The following TEDC2 variants were observed in gnomAD, a reference collection of about 807,000 sequenced individuals.
The protein encoded by TEDC2 is tubulin epsilon and delta complex 2.
Under a neutral mutation model 48.1 loss-of-function variants are expected in TEDC2, and 49 were observed. The ratio of observed to expected loss-of-function variants is 1.02; its 90% confidence interval spans 0.81 to 1.29. The LOEUF is 1.29. Ranked by LOEUF, TEDC2 falls within the 50% of genes most tolerant of loss-of-function variation. The pLI, the probability that TEDC2 is intolerant of heterozygous loss-of-function variation, is 0.00. For synonymous variants in TEDC2, 299 were observed against 247.1 expected (o/e 1.21, Z -1.97); for missense variants, 631 against 571.4 (o/e 1.10, Z -1.06).
At chr16:2,460,745 G>T (rs773414236) in intron 3 of TEDC2, 52 bp downstream of exon 3, 1 of 1,612,260 alleles carries the variant, frequency 6.2e-7, no homozygotes, top group Non-Finnish European at 8.5e-7. Flanking sequence ...CTGTCTGCTG[G>T]CGTGCAGTTG....
chr16:2,464,536 ACTC>A lies in TEDC2; in HGVS notation c.1175_1177del (p.Leu392del). ...CCTGCCCCCAGGTCCTGATGGCTGA[ACTC>A]CTCCCCCTGGTAAGCGCTGCACAGC... On this transcript the variant is annotated inframe_deletion, in exon 10 of 10. Transcript: ENST00000361837. 2 of 1,572,370 alleles carry A rather than the reference ACTC, an allele frequency of 1.3e-6. No homozygotes were observed. Among genetic ancestry groups the A allele is most frequent in the South Asian group, 1.2e-5 (1 of 86,500 alleles).
rs2141836918 is a variant in TEDC2 at position 2,460,183 on chromosome 16, C to G, written c.26+13C>G. On this transcript the variant is annotated intron_variant, in intron 1 of 9. Coordinates refer to ENST00000361837, the MANE Select transcript of TEDC2 (RefSeq NM_025108.3). ...GCTGCTCGCGCCGGTGAGGCCTGCG[C>G]GGCAGGAGGGGGTGGGAGGATGCGG... The G allele has an allele frequency of 1.7e-6, 2 of 1,177,246 alleles. No homozygotes were observed. Among genetic ancestry groups the G allele is most frequent in the African/African-American group, 1.7e-5 (1 of 58,932 alleles). The allele number at this position is 1,177,246 out of a possible 1,614,324, so 72.9% of individuals were successfully genotyped here. A position where few individuals can be genotyped will look rare whatever the true frequency, so the allele number is the denominator to read the frequency against.
intron 8 of TEDC2, among the ~76,000 whole-genome samples, 170 bp downstream of exon 8, chr16:2,462,902 A>G (rs2065475873): frequency 6.6e-6 from 1 of 152,050 alleles, no homozygotes; most frequent in Non-Finnish European, 1.5e-5. Context: ...CTGGGTCCTC[A>G]CCAGTCGTCC....
intron 4 of TEDC2, chr16:2,461,539 G>A: frequency 1.5e-6 from 1 of 655,922 alleles, no homozygotes; most frequent in Non-Finnish European, 2.6e-6. Flanking sequence ...CGCTCACAGG[G>A]CCCCCTCTTC....
In TEDC2 at chr16:2,461,310, C is replaced by T. The variant is rs185271747; in HGVS notation, c.605+86C>T. Reference sequence around the variant, plus strand: ...GCAAGGAGCCTGGGATTTGGGGTGACAGGGAAGGCAGGGCATCGAGCCCTG... The same window carrying T: ...GCAAGGAGCCTGGGATTTGGGGTGATAGGGAAGGCAGGGCATCGAGCCCTG... On this transcript the variant is annotated intron_variant, in intron 4 of 9. Coordinates refer to ENST00000361837, the MANE Select transcript of TEDC2 (RefSeq NM_025108.3). 3.6e-6 allele frequency: 5 copies of T among 1,395,894 alleles called. No individual in the cohort carries two copies. The Admixed American group carries it at 9.2e-5, about 26-fold the overall frequency. 86.5% of individuals were successfully genotyped at this position (1,395,894 alleles called of 1,614,324 possible). A position where few individuals can be genotyped will look rare whatever the true frequency, so the allele number is the denominator to read the frequency against.
chr16:2,461,453 G>T, intron 4 of TEDC2: 2 of 670,616 alleles, frequency 3.0e-6, no homozygotes, highest in Non-Finnish European at 4.8e-6. Flanking sequence ...TCTCTTCTCT[G>T]TGGCTGTCCC....
rs1463574899 is a variant in TEDC2 at position 2,460,883 on chromosome 16, A to G, written c.264A>G (p.Val88=). ...TGACCCAGGCACTGGAGAAGGCTGT[A>G]CGAGTTCGAAGAGGCATCACTAAGG... ...EFLTQALEKA[V]RVRRGITKAG... Residue 88 remains valine, a synonymous_variant, in exon 4 of 10, where the codon GTA becomes GTG. Transcript: ENST00000361837. 7 of 1,613,450 alleles carry G rather than the reference A, an allele frequency of 4.3e-6. No homozygotes were observed. The highest frequency in any genetic ancestry group is 1.3e-5 in the African/African-American group (1 of 74,938).
At chr16:2,460,424 C>T in intron 2 of TEDC2, 43 bp downstream of exon 2, 4 of 1,539,544 alleles carry the variant, frequency 2.6e-6, no homozygotes, top group Non-Finnish European at 3.5e-6. Context: ...CCCTCGGGCC[C>T]TCAGAGTCCC....
intron 4 of TEDC2, 35 bp downstream of exon 4, chr16:2,461,259 G>C: frequency 6.9e-7 from 1 of 1,440,536 alleles, no homozygotes; most frequent in Non-Finnish European, 9.1e-7. Context: ...AGGGACTTCT[G>C]TCTCTGCCTC....
chr16:2,463,947 G>A (rs1394533963), intron 8 of TEDC2, 92 bp from the exon 9 acceptor site: 2 of 1,357,026 alleles, frequency 1.5e-6, no homozygotes, highest in South Asian at 1.4e-5. Context: ...GGCAGGGCAG[G>A]TGGTGCAGAT....
At chr16:2,462,301 A>G (rs898206056) in intron 6 of TEDC2, 62 bp downstream of exon 6, 30 of 1,605,552 alleles carry the variant, frequency 1.9e-5, no homozygotes, top group Admixed American at 1.0e-4. Flanking sequence ...GCAGGTTTGC[A>G]GAGCAGCCCC....
chr16:2,464,705 G>C lies in TEDC2; in HGVS notation c.*37G>C, dbSNP rs768436511. ...GCTGCCCTCGGCCTGTTCAGATGGG[G>C]ATTGGGGGTGTCTTCCCTGGCACTG... On this transcript the variant is annotated 3_prime_UTR_variant, in exon 10 of 10. Transcript: ENST00000361837. The C allele has an allele frequency of 2.5e-6, 4 of 1,610,820 alleles. No homozygotes were observed. The South Asian group carries it at 4.4e-5, about 18-fold the overall frequency.
chr16:2,462,535 G>T lies in TEDC2; in HGVS notation c.862+9G>T, dbSNP rs201836164. ...GGAGGAGCTCTCGGCAGGTCAGTGG[G>T]TCCTGGGTCTGTATCAGGAGGAGTG... is the stretch of plus-strand genomic sequence containing the variant. On this transcript the variant is annotated intron_variant, in intron 7 of 9. Transcript: ENST00000361837. 1.8e-5 allele frequency: 28 copies of T among 1,590,586 alleles called. No individual in the cohort carries two copies. In the Admixed American group the frequency reaches 4.7e-4, roughly 27 times the overall value.
At chr16:2,464,307 C>T (rs2065486509) in intron 9 of TEDC2, 78 bp downstream of exon 9, 2 of 1,515,982 alleles carry the variant, frequency 1.3e-6, no homozygotes, top group East Asian at 2.4e-5. Context: ...TTGACTGCTC[C>T]ACCCCCCAGG....
chr16:2,464,363 G>C lies in TEDC2; in HGVS notation c.1155+134G>C, dbSNP rs112773540. 15 of 1,348,238 alleles carry C rather than the reference G, an allele frequency of 1.1e-5. No homozygotes were observed. In the African/African-American group the frequency reaches 1.2e-4, roughly 10 times the overall value. The allele number at this position is 1,348,238 out of a possible 1,614,324, so 83.5% of individuals were successfully genotyped here. A position where few individuals can be genotyped will look rare whatever the true frequency, so the allele number is the denominator to read the frequency against. On this transcript the variant is annotated intron_variant, in intron 9 of 9. Coordinates refer to ENST00000361837, the MANE Select transcript of TEDC2 (RefSeq NM_025108.3). Reference sequence around the variant, plus strand: ...GCCTGGGGTCTGTGTGTGTGGGTTGGGAAGTGCATGGGTCAGACGGGGCTG... The same window carrying C: ...GCCTGGGGTCTGTGTGTGTGGGTTGCGAAGTGCATGGGTCAGACGGGGCTG...
Position 2,464,098 on chromosome 16 carries a change from T to C in TEDC2, c.1024T>C (p.Ser342Pro), listed in dbSNP as rs772167368. The part of the protein sequence containing the change: ...PVGRPPGASP[S>P]CGGRAEPAWS... ...GGGGAGGCCCCCCGGAGCCTCGCCG[T>C]CCTGTGGGGGTAGAGCGGAGCCTGC... The change falls in exon 9 of 10, where the codon TCC (serine) becomes CCC (proline). Residue 342 changes from serine (S) to proline (P), a missense_variant. By Grantham distance (74) the Ser-to-Pro change is moderately conservative. Coordinates refer to ENST00000361837, the MANE Select transcript of TEDC2 (RefSeq NM_025108.3). 3.1e-6 allele frequency: 5 copies of C among 1,612,512 alleles called. No homozygotes were observed. The highest frequency in any genetic ancestry group is 4.2e-6 in the Non-Finnish European group (5 of 1,179,952).
intron 2 of TEDC2, 75 bp downstream of exon 2, chr16:2,460,456 G>A: frequency 6.6e-7 from 1 of 1,514,988 alleles, no homozygotes; most frequent in Admixed American, 2.2e-5. Flanking sequence ...CCAGGGCTGG[G>A]AGACCGGGCG....
In TEDC2 at chr16:2,463,610, G is replaced by A. The variant is rs1485763768; in HGVS notation, c.965-429G>A. Among the ~76,000 whole-genome samples, 3 of 150,614 alleles carry A rather than the reference G, an allele frequency of 2.0e-5. No homozygotes were observed. In the East Asian group the frequency reaches 5.8e-4, roughly 29 times the overall value. On this transcript the variant is annotated intron_variant, in intron 8 of 9. Coordinates refer to ENST00000361837, the MANE Select transcript of TEDC2 (RefSeq NM_025108.3). ...CCACTGCACTCCAGCCTGGGTGACA[G>A]AGTGAGACTCCGTCTCCAAAAAAAA...
rs2065456868 is a variant in TEDC2 at position 2,460,264 on chromosome 16, C to T, written c.27-19C>T. ...GCCCGACGCTGGCCGAGGTGCTGAG[C>T]CGCCGGTGCGTCCCCCAGGCTGGTG... On this transcript the variant is annotated intron_variant, in intron 1 of 9. Coordinates refer to ENST00000361837, the MANE Select transcript of TEDC2 (RefSeq NM_025108.3). 2 of 1,517,010 alleles carry T rather than the reference C, an allele frequency of 1.3e-6. No individual in the cohort carries two copies. The highest frequency in any genetic ancestry group is 2.9e-5 in the African/African-American group (2 of 69,454). 94.0% of individuals were successfully genotyped at this position (1,517,010 alleles called of 1,614,324 possible).
Sources: allele counts gnomAD v4.1 joint callset (sites outside exome capture counted in the v4.1 genomes callset), GRCh38; gene constraint gnomAD v4.1.1; transcripts MANE v1.5; gene names NCBI Gene and HGNC (gene_info 2026-07-23, HGNC 2026-07-21).